The following SEMA5A variants were observed in gnomAD, a reference collection of about 807,000 sequenced individuals.
SEMA5A encodes semaphorin 5A, also known as semaphorin-5A.
SEMA5A carries 55 observed loss-of-function variants against 135.5 expected under a neutral mutation model. The observed-to-expected ratio is 0.41, with a 90% CI of 0.33 to 0.51. The LOEUF (loss-of-function observed/expected upper bound fraction) is 0.51, where lower values mean the gene tolerates loss of function less well. SEMA5A is among the 20% of genes least tolerant of loss of function. The pLI is 0.37. For synonymous variants in SEMA5A, 580 were observed against 546.5 expected, an observed-to-expected ratio of 1.06 and a Z score of -0.85; for missense variants, 1,290 against 1,419.9, an observed-to-expected ratio of 0.91 and a Z score of 1.47.
At chr5:9,135,596 T>C (rs1369631670) in intron 13 of SEMA5A, among the ~76,000 whole-genome samples, 1 of 152,150 alleles carries the variant, frequency 6.6e-6, no homozygotes, top group African/African-American at 2.4e-5. Flanking sequence ...TTCGCAGTTC[T>C]AAAGCATGGA....
intron 1 of SEMA5A, among the ~76,000 whole-genome samples, chr5:9,540,775 T>C (rs1005656036): frequency 3.9e-5 from 6 of 152,178 alleles, no homozygotes; most frequent in Non-Finnish European, 7.3e-5. Context: ...TTGGGGGCAC[T>C]GGCAGGAGTC....
intron 3 of SEMA5A, among the ~76,000 whole-genome samples, chr5:9,351,767 A>G (rs1218820262): frequency 6.6e-6 from 1 of 152,178 alleles, no homozygotes; most frequent in Non-Finnish European, 1.5e-5. Context: ...TTCTTCGTCT[A>G]TGGTGTCCCC....
intron 8 of SEMA5A, among the ~76,000 whole-genome samples, chr5:9,219,075 A>G (rs1316233387): frequency 1.3e-5 from 2 of 152,244 alleles, no homozygotes; most frequent in African/African-American, 2.4e-5. Flanking sequence ...GAAGCCAAGA[A>G]CCAGTAAGAC....
intron 4 of SEMA5A, among the ~76,000 whole-genome samples, chr5:9,327,023 T>C (rs915371242): frequency 6.6e-6 from 1 of 152,202 alleles, no homozygotes; most frequent in African/African-American, 2.4e-5. Context: ...GGAGACTTTT[T>C]ATTTTGTGGT....
chr5:9,081,662 G>A (rs1448484478), intron 16 of SEMA5A, among the ~76,000 whole-genome samples: 1 of 152,144 alleles, frequency 6.6e-6, no homozygotes, highest in Non-Finnish European at 1.5e-5. Flanking sequence ...AGGAAGGTGA[G>A]GCCAGTGGTT....
At chr5:9,284,179 A>T (rs566158780) in intron 5 of SEMA5A, among the ~76,000 whole-genome samples, 1 of 152,098 alleles carries the variant, frequency 6.6e-6, no homozygotes, top group Admixed American at 6.5e-5. Flanking sequence ...TTGATTGAAT[A>T]CTCTAATTCC....
intron 22 of SEMA5A, 123 bp from the exon 23 acceptor site, chr5:9,043,139 T>C (rs1283748746): frequency 2.3e-6 from 2 of 871,720 alleles, no homozygotes; most frequent in East Asian, 5.4e-5. Flanking sequence ...TTTTAAAATA[T>C]GTTTTCTTAT....
chr5:9,456,844 AAC>A (rs1168771402), intron 1 of SEMA5A, among the ~76,000 whole-genome samples: 1 of 152,222 alleles, frequency 6.6e-6, no homozygotes. Flanking sequence ...TTTAAATGAC[AAC>A]AGAGAGGCTG....
intron 5 of SEMA5A, among the ~76,000 whole-genome samples, chr5:9,275,910 A>G (rs1750237500): frequency 6.6e-6 from 1 of 152,088 alleles, no homozygotes; most frequent in African/African-American, 2.4e-5. Context: ...CAAGACAGGG[A>G]TGCCCTCTCT....
At chr5:9,346,019 C>T (rs1753851056) in intron 3 of SEMA5A, among the ~76,000 whole-genome samples, 1 of 152,080 alleles carries the variant, frequency 6.6e-6, no homozygotes, top group Non-Finnish European at 1.5e-5. Flanking sequence ...CAGACTGCAG[C>T]CCAAAGTGAC....
chr5:9,196,305 C>G (rs899781414), intron 10 of SEMA5A, among the ~76,000 whole-genome samples: 3 of 152,082 alleles, frequency 2.0e-5, no homozygotes, highest in African/African-American at 7.2e-5. Context: ...GGGCCCTGGT[C>G]CAGTGGAGCT....
chr5:9,054,936 G>A (rs1736807211), intron 18 of SEMA5A, among the ~76,000 whole-genome samples: 1 of 152,196 alleles, frequency 6.6e-6, no homozygotes, highest in African/African-American at 2.4e-5. Context: ...TATTAAGGGT[G>A]CAGTTTTACA....
At chr5:9,325,035 G>A (rs2150686290) in intron 4 of SEMA5A, among the ~76,000 whole-genome samples, 1 of 152,256 alleles carries the variant, frequency 6.6e-6, no homozygotes, top group East Asian at 1.9e-4. Flanking sequence ...CATTCTTCAG[G>A]GAAAAAGGCA....
chr5:9,400,471 T>C (rs954404703), intron 2 of SEMA5A, among the ~76,000 whole-genome samples: 1 of 151,936 alleles, frequency 6.6e-6, no homozygotes, highest in Non-Finnish European at 1.5e-5. Context: ...AAAATTGACA[T>C]TCTTCTTCAA....
chr5:9,361,124 C>T (rs113835940), intron 3 of SEMA5A, among the ~76,000 whole-genome samples: 23 of 152,144 alleles, frequency 1.5e-4, no homozygotes, highest in Admixed American at 5.2e-4. Flanking sequence ...CATGGTAAAA[C>T]GCTGTCTCTA....
intron 1 of SEMA5A, among the ~76,000 whole-genome samples, chr5:9,515,222 G>A (rs554652950): frequency 6.6e-6 from 1 of 152,234 alleles, no homozygotes; most frequent in South Asian, 2.1e-4. Context: ...GCCCAGCATG[G>A]TAAGAGAGTG....
chr5:9,402,863 C>T (rs190710921), intron 2 of SEMA5A, among the ~76,000 whole-genome samples: 142 of 152,258 alleles, frequency 9.3e-4, no homozygotes, highest in Non-Finnish European at 1.9e-4. Context: ...CTCATGTATC[C>T]TCAACATGGC....
intron 14 of SEMA5A, 143 bp from the exon 15 acceptor site, chr5:9,119,284 G>T: frequency 1.1e-6 from 1 of 945,748 alleles, no homozygotes; most frequent in Non-Finnish European, 1.6e-6. Context: ...CCAGGGGACT[G>T]AATGGACTGC....
chr5:9,294,484 A>T (rs771789802), intron 5 of SEMA5A, among the ~76,000 whole-genome samples: 6 of 152,178 alleles, frequency 3.9e-5, no homozygotes, highest in Non-Finnish European at 8.8e-5. Context: ...CCTCACACAA[A>T]TATGGATGTC....
Sources: gnomAD v4.1 joint callset for allele counts (sites outside exome capture counted in the v4.1 genomes callset) on GRCh38, gnomAD v4.1.1 for gene constraint, MANE v1.5 for transcripts, NCBI Gene and HGNC (gene_info 2026-07-23, HGNC 2026-07-21) for gene names.